HDHD2: variants seen among roughly 807,000 people sequenced by gnomAD.
HDHD2 encodes haloacid dehalogenase like hydrolase domain containing 2, also known as haloacid dehalogenase-like hydrolase domain-containing protein 2.
In HDHD2, 26 loss-of-function variants were observed where a neutral mutation model predicts 24.8. The ratio of observed to expected loss-of-function variants is 1.05; its 90% CI spans 0.77 to 1.45. HDHD2 has a LOEUF of 1.45. Ranked by LOEUF, HDHD2 falls within the 40% of genes most tolerant of loss-of-function variation. HDHD2 has a pLI of 0.00. For synonymous variants in HDHD2, 128 were observed against 114.9 expected (o/e 1.11, Z -0.73); for missense variants, 299 against 313.4 (o/e 0.95, Z 0.35).
chr18:47,145,710 G>C lies in HDHD2; in HGVS notation c.-11+4668C>G, dbSNP rs2063862910. Among the ~76,000 whole-genome samples the C allele has an allele frequency of 2.0e-5, 3 of 151,952 alleles. 1 individual carries two copies. The South Asian group carries it at 6.2e-4, about 32-fold the overall frequency. On this transcript the variant is annotated intron_variant, in intron 1 of 6. Coordinates refer to ENST00000300605, the MANE Select transcript of HDHD2 (RefSeq NM_032124.5). The stretch of plus-strand genomic sequence containing the variant: ...ATCTTCATGACTTGAGGACAGAAAA[G>C]GCTTTCTAAAATGAGACATAAAAAG...
At chr18:47,142,922 T>C (rs1340957531) in intron 1 of HDHD2, among the ~76,000 whole-genome samples, 1 of 152,090 alleles carries the variant, frequency 6.6e-6, no homozygotes, top group Non-Finnish European at 1.5e-5. Flanking sequence ...TTTCTAAAGG[T>C]TCAATGCGCC....
chr18:47,134,001 T>G (rs891383897), intron 3 of HDHD2, among the ~76,000 whole-genome samples: 2 of 152,256 alleles, frequency 1.3e-5, no homozygotes, highest in Admixed American at 6.5e-5. Context: ...TTTGTCAATT[T>G]TGGCTTTTGC....
At chr18:47,144,837 A>G (rs2063853551) in intron 1 of HDHD2, among the ~76,000 whole-genome samples, 2 of 151,716 alleles carry the variant, frequency 1.3e-5, no homozygotes, top group South Asian at 4.1e-4. Context: ...AAAAAAGAAA[A>G]AAAAACAACA....
intron 4 of HDHD2, among the ~76,000 whole-genome samples, chr18:47,124,475 G>A (rs574646069): frequency 6.6e-6 from 1 of 152,242 alleles, no homozygotes; most frequent in Admixed American, 6.5e-5. Flanking sequence ...GGGAGGCCGA[G>A]GCGGGTGGCT....
At position 47,128,032 on chromosome 18, in the gene HDHD2, C is replaced by T. The variant is rs118011770; in HGVS notation, c.395+2212G>A. On this transcript the variant is annotated intron_variant, in intron 4 of 6. Coordinates refer to ENST00000300605, the MANE Select transcript of HDHD2 (RefSeq NM_032124.5). ...CTGCAGTCATTGGTTGGAAGGCAGT[C>T]CCTGTGGAAACATCAATATGCAAAA... Among the ~76,000 whole-genome samples the T allele has an allele frequency of 8.5e-3, 1,174 of 138,684 alleles. 42 individuals are homozygous for T. In the East Asian group the frequency reaches 0.087, roughly 10 times the overall value. The allele number at this position is 138,684 out of a possible 152,430, so 91.0% of individuals were successfully genotyped here. A position where few individuals can be genotyped will look rare whatever the true frequency, so the allele number is the denominator to read the frequency against.
chr18:47,138,957 T>C (rs1568059792), intron 1 of HDHD2, among the ~76,000 whole-genome samples: 1 of 152,146 alleles, frequency 6.6e-6, no homozygotes. Flanking sequence ...ATCATACCTA[T>C]CCAATGAAGT....
At chr18:47,117,784 C>T (rs1036841539) in intron 4 of HDHD2, among the ~76,000 whole-genome samples, 1 of 151,926 alleles carries the variant, frequency 6.6e-6, no homozygotes, top group African/African-American at 2.4e-5. Flanking sequence ...CCAGACCAGC[C>T]AGAGAGACTC....
chr18:47,137,363 A>C, intron 1 of HDHD2: 2 of 313,136 alleles, frequency 6.4e-6, no homozygotes, highest in South Asian at 3.3e-5. Context: ...TTACATTCTC[A>C]ATCAGAAAAT....
At chr18:47,120,855 G>A (rs1440712736) in intron 4 of HDHD2, among the ~76,000 whole-genome samples, 1 of 152,148 alleles carries the variant, frequency 6.6e-6, no homozygotes. Flanking sequence ...ACAGCTGGCT[G>A]GTGAAGCGGT....
intron 4 of HDHD2, among the ~76,000 whole-genome samples, chr18:47,122,225 T>C (rs970627874): frequency 6.6e-6 from 1 of 152,236 alleles, no homozygotes; most frequent in African/African-American, 2.4e-5. Flanking sequence ...CTATTTTTAT[T>C]CATAAATGTA....
intron 6 of HDHD2, chr18:47,109,129 T>C (rs951037717): frequency 4.8e-6 from 1 of 207,862 alleles, no homozygotes; most frequent in Non-Finnish European, 9.5e-6. Flanking sequence ...ATTAAATTAA[T>C]GCTTTAAAAT....
At chr18:47,130,993 T>G (rs1324495381) in intron 3 of HDHD2, among the ~76,000 whole-genome samples, 1 of 152,222 alleles carries the variant, frequency 6.6e-6, no homozygotes, top group African/African-American at 2.4e-5. Flanking sequence ...TATTTATTTT[T>G]GAGACGGAGT....
chr18:47,136,908 T>C (rs367615197), intron 1 of HDHD2: 34 of 448,598 alleles, frequency 7.6e-5, no homozygotes, highest in African/African-American at 5.8e-4. Context: ...TGAAACAGAA[T>C]ATGTGGCTCT....
chr18:47,112,498 G>T (rs1341587606), intron 6 of HDHD2, among the ~76,000 whole-genome samples: 1 of 152,092 alleles, frequency 6.6e-6, no homozygotes, highest in East Asian at 1.9e-4. Context: ...TTAACCTTTT[G>T]CTCACCACAA....
intron 3 of HDHD2, among the ~76,000 whole-genome samples, chr18:47,133,832 T>A (rs1397055252): frequency 6.6e-6 from 1 of 151,170 alleles, no homozygotes; most frequent in Admixed American, 6.6e-5. Flanking sequence ...GGGTTGTTTT[T>A]TTCTTGTAAA....
intron 3 of HDHD2, among the ~76,000 whole-genome samples, chr18:47,133,711 T>G (rs536660158): frequency 6.6e-6 from 1 of 152,152 alleles, no homozygotes; most frequent in Non-Finnish European, 1.5e-5. Context: ...GGTTTTGATT[T>G]GCATTTCTCT....
In HDHD2 at chr18:47,115,112, T is replaced by C. The variant is rs1220169886; in HGVS notation, c.612+20A>G. 4.4e-6 allele frequency: 7 copies of C among 1,589,080 alleles called. No homozygotes were observed. Among genetic ancestry groups the C allele is most frequent in the Non-Finnish European group, 5.2e-6 (6 of 1,158,960 alleles). On this transcript the variant is annotated intron_variant, in intron 5 of 6. Coordinates refer to ENST00000300605, the MANE Select transcript of HDHD2 (RefSeq NM_032124.5). ...GCACAACAGGTGAGCTGGGAGCACC[T>C]CCTGGGTTCTTCTACTTACATCTCC...
At chr18:47,148,378 C>T (rs972059505) in intron 1 of HDHD2, among the ~76,000 whole-genome samples, 2 of 152,198 alleles carry the variant, frequency 1.3e-5, no homozygotes, top group African/African-American at 4.8e-5. Flanking sequence ...CTCAAAATAA[C>T]TATAAAGGCT....
At chr18:47,127,768 A>G (rs923116916) in intron 4 of HDHD2, among the ~76,000 whole-genome samples, 3 of 151,872 alleles carry the variant, frequency 2.0e-5, no homozygotes, top group Admixed American at 6.6e-5. Flanking sequence ...CATTTAAAAG[A>G]TATTTGTAGA....
Sources: gnomAD v4.1 joint callset for allele counts (sites outside exome capture counted in the v4.1 genomes callset) on GRCh38, gnomAD v4.1.1 for gene constraint, MANE v1.5 for transcripts, NCBI Gene and HGNC (gene_info 2026-07-23, HGNC 2026-07-21) for gene names.